Variants in TBX5 observed in about 807,000 individuals in gnomAD.
TBX5 encodes the protein T-box transcription factor 5.
Under a neutral mutation model 51.1 loss-of-function variants are expected in TBX5, and 8 were observed. That is an observed-to-expected ratio of 0.16 (90% CI 0.09 to 0.28). TBX5 has a LOEUF of 0.28. Ranked by LOEUF, TBX5 falls within the 10% of genes least tolerant of loss-of-function variation. TBX5 has a pLI of 1.00. For synonymous variants in TBX5, 302 were observed against 266.4 expected, an observed-to-expected ratio of 1.13 and a Z score of -1.30; for missense variants, 589 against 671.7, an observed-to-expected ratio of 0.88 and a Z score of 1.36.
At chr12:114,395,390 TA>T (rs200368469) in intron 5 of TBX5, among the ~76,000 whole-genome samples, 13 of 147,604 alleles carry the variant, frequency 8.8e-5, no homozygotes, top group South Asian at 2.2e-4. Context: ...CTGAAATAAG[TA>T]AAAAAAAAAA....
intron 7 of TBX5, among the ~76,000 whole-genome samples, chr12:114,369,003 A>G (rs1593849965): frequency 6.7e-6 from 1 of 148,968 alleles, no homozygotes; most frequent in South Asian, 2.1e-4. Context: ...TACGTAATGG[A>G]AAAAAAAAAG....
chr12:114,361,174 C>G (rs1869220254), intron 8 of TBX5, among the ~76,000 whole-genome samples: 1 of 152,192 alleles, frequency 6.6e-6, no homozygotes, highest in Non-Finnish European at 1.5e-5. Flanking sequence ...CTTGGTCCTC[C>G]ATTAGATCCC....
At chr12:114,397,363 G>T (rs1334312022) in intron 5 of TBX5, among the ~76,000 whole-genome samples, 2 of 152,140 alleles carry the variant, frequency 1.3e-5, no homozygotes, top group Non-Finnish European at 1.5e-5. Context: ...CTGTGCAAAA[G>T]CTATGCCTCC....
intron 2 of TBX5, 29 bp from the exon 3 acceptor site, chr12:114,401,949 A>C: frequency 6.2e-7 from 1 of 1,603,264 alleles, no homozygotes; most frequent in Non-Finnish European, 8.5e-7. Context: ...AGTCACACTA[A>C]CAAGCCCTGG....
At position 114,369,418 on chromosome 12, in the gene TBX5, T is replaced by A. The variant is rs146685650; in HGVS notation, c.756-3027A>T. ...TCCCTCTAAAGAGCCTGAAACATCA[T>A]CCCCAACACCGATCGTGAACATCTC... On this transcript the variant is annotated intron_variant, in intron 7 of 8. Transcript: ENST00000405440. 3.1e-3 allele frequency among the ~76,000 whole-genome samples: 465 copies of A among 152,288 alleles called. 3 individuals carry two copies. The highest frequency in any genetic ancestry group is 0.01 in the African/African-American group (416 of 41,540).
chr12:114,387,428 T>C (rs1051104419), intron 6 of TBX5, among the ~76,000 whole-genome samples: 3 of 152,192 alleles, frequency 2.0e-5, no homozygotes, highest in Admixed American at 2.0e-4. Context: ...TTTTAAGATA[T>C]ATGATTCCAA....
chr12:114,355,748 G>C lies in TBX5; in HGVS notation c.1341C>G (p.Ser447=), dbSNP rs748678010. ...PRLAGMANHG[S]PQLGEGMFQH... ...GGAACATTCCCTCTCCCAGCTGTGG[G>C]GAGCCATGGTTGGCCATGCCAGCCA... Residue 447 remains serine, a synonymous_variant, in exon 9 of 9, where the codon TCC becomes TCG. Transcript: ENST00000405440. The C allele has an allele frequency of 6.2e-7, 1 of 1,614,142 alleles. No individual in the cohort carries two copies. Among genetic ancestry groups the C allele is most frequent in the Admixed American group, 1.7e-5 (1 of 60,014 alleles).
Position 114,371,868 on chromosome 12 carries a change from C to T in TBX5, c.756-5477G>A, listed in dbSNP as rs1211830061. 3.9e-5 allele frequency among the ~76,000 whole-genome samples: 6 copies of T among 152,180 alleles called. No homozygotes were observed. The South Asian group carries it at 1.2e-3, about 32-fold the overall frequency. On this transcript the variant is annotated intron_variant, in intron 7 of 8. Transcript: ENST00000405440. ...CGGACACGGCAGGGACTGCAGAGGG[C>T]ACACCCAAGGCTGGATTTCGCCTAG...
At chr12:114,382,744 C>T (rs921930473) in intron 7 of TBX5, among the ~76,000 whole-genome samples, 1 of 151,844 alleles carries the variant, frequency 6.6e-6, no homozygotes, top group African/African-American at 2.4e-5. Flanking sequence ...TTGCAGTGAG[C>T]GGAGATCGTG....
intron 2 of TBX5, 36 bp from the exon 3 acceptor site, chr12:114,401,956 C>T: frequency 6.3e-7 from 1 of 1,589,942 alleles, no homozygotes; most frequent in Non-Finnish European, 8.6e-7. Context: ...CTAACAAGCC[C>T]TGGCAGTAGT....
At chr12:114,375,784 C>T (rs888989093) in intron 7 of TBX5, among the ~76,000 whole-genome samples, 1 of 152,184 alleles carries the variant, frequency 6.6e-6, no homozygotes, top group East Asian at 1.9e-4. Context: ...GGCCCACGTT[C>T]TGTCATCCCA....
intron 5 of TBX5, among the ~76,000 whole-genome samples, chr12:114,396,417 C>T (rs1417833117): frequency 1.3e-5 from 2 of 152,062 alleles, no homozygotes; most frequent in Admixed American, 6.5e-5. Flanking sequence ...TCTAATGGCT[C>T]CTAATTTCAT....
chr12:114,382,942 A>C (rs1870589681), intron 7 of TBX5, among the ~76,000 whole-genome samples: 1 of 148,788 alleles, frequency 6.7e-6, no homozygotes, highest in South Asian at 2.1e-4. Flanking sequence ...GTGCCACTGC[A>C]CTCCAGCCTG....
At chr12:114,358,837 CT>C (rs1480095790) in intron 8 of TBX5, among the ~76,000 whole-genome samples, 4 of 151,906 alleles carry the variant, frequency 2.6e-5, no homozygotes, top group Non-Finnish European at 1.5e-5. Context: ...CTATACTCAG[CT>C]TCTTTTTGTC....
At chr12:114,382,916 G>T (rs1354539435) in intron 7 of TBX5, among the ~76,000 whole-genome samples, 4 of 151,056 alleles carry the variant, frequency 2.6e-5, no homozygotes. Context: ...TGTCAGGGCT[G>T]CAGAGACCTG....
chr12:114,379,589 C>T (rs1438430057), intron 7 of TBX5, among the ~76,000 whole-genome samples: 3 of 152,302 alleles, frequency 2.0e-5, no homozygotes, highest in Non-Finnish European at 4.4e-5. Flanking sequence ...CACACGTTAC[C>T]TCATTTCATC....
chr12:114,395,019 T>G (rs1871345641), intron 5 of TBX5, 126 bp from the exon 6 acceptor site: 5 of 957,794 alleles, frequency 5.2e-6, no homozygotes, highest in Non-Finnish European at 7.9e-6. Context: ...GATATTTTTC[T>G]TCTGTTTTGA....
chr12:114,404,020 C>T, intron 1 of TBX5, 84 bp from the exon 2 acceptor site: 1 of 1,448,564 alleles, frequency 6.9e-7, no homozygotes, highest in Non-Finnish European at 9.3e-7. Context: ...ATTCTAGTGA[C>T]AGGAGGGAGC....
chr12:114,368,617 T>C (rs907455057), intron 7 of TBX5, among the ~76,000 whole-genome samples: 1 of 152,240 alleles, frequency 6.6e-6, no homozygotes, highest in Non-Finnish European at 1.5e-5. Flanking sequence ...TCATAACTTT[T>C]GCATTGTATC....
Sources: gnomAD v4.1 joint callset for allele counts (sites outside exome capture counted in the v4.1 genomes callset) on GRCh38, gnomAD v4.1.1 for gene constraint, MANE v1.5 for transcripts, NCBI Gene and HGNC (gene_info 2026-07-23, HGNC 2026-07-21) for gene names.